WWOX: variants seen among roughly 807,000 people sequenced by gnomAD.
WWOX encodes the protein WW domain-containing oxidoreductase.
WWOX carries 69 observed loss-of-function variants against 46.2 expected under a neutral mutation model. That is an observed-to-expected ratio of 1.49 (90% confidence interval 1.23 to 1.82). The LOEUF is 1.82. Ranked by LOEUF, WWOX falls within the 40% of genes most tolerant of loss-of-function variation. The probability of loss-of-function intolerance (pLI) is 0.00; values close to 1 mark genes in which losing one functional copy is unlikely to be tolerated. For synonymous variants in WWOX, 359 were observed against 202.6 expected (o/e 1.77, Z -6.56); for missense variants, 919 against 542.6 (o/e 1.69, Z -6.89).
chr16:79,201,353 T>A (rs1018522382), intron 8 of WWOX, among the ~76,000 whole-genome samples: 2 of 151,264 alleles, frequency 1.3e-5, no homozygotes, highest in Non-Finnish European at 2.9e-5. Flanking sequence ...CTTTTTTTTT[T>A]TTTTTTTTTA....
intron 8 of WWOX, among the ~76,000 whole-genome samples, chr16:78,827,944 C>A (rs2151153540): frequency 6.6e-6 from 1 of 152,230 alleles, no homozygotes; most frequent in East Asian, 1.9e-4. Context: ...AGTAAGGGGG[C>A]TAAGCTGGTT....
chr16:79,090,402 C>G (rs761420757), intron 8 of WWOX, among the ~76,000 whole-genome samples: 2 of 151,964 alleles, frequency 1.3e-5, no homozygotes, highest in South Asian at 2.1e-4. Context: ...ATTCAGTTAT[C>G]TCACGTTTCT....
chr16:78,416,973 A>G (rs950672617), intron 6 of WWOX, among the ~76,000 whole-genome samples: 2 of 151,934 alleles, frequency 1.3e-5, no homozygotes, highest in African/African-American at 2.4e-5. Flanking sequence ...GGTTCTGTCC[A>G]TTTCAGGGAG....
At chr16:79,121,279 A>G (rs2049625706) in intron 8 of WWOX, among the ~76,000 whole-genome samples, 1 of 152,186 alleles carries the variant, frequency 6.6e-6, no homozygotes, top group Non-Finnish European at 1.5e-5. Flanking sequence ...TGCATTGCTA[A>G]TTACATGAGT....
At chr16:78,527,543 C>G (rs1304064302) in intron 8 of WWOX, among the ~76,000 whole-genome samples, 2 of 152,126 alleles carry the variant, frequency 1.3e-5, no homozygotes, top group East Asian at 1.9e-4. Flanking sequence ...ATGAGACTGC[C>G]TCAGCCAGCC....
At chr16:78,738,018 C>T (rs974335335) in intron 8 of WWOX, among the ~76,000 whole-genome samples, 1 of 152,182 alleles carries the variant, frequency 6.6e-6, no homozygotes, top group Admixed American at 6.5e-5. Context: ...CCTGTCAGAG[C>T]CCGGTGGACT....
intron 8 of WWOX, chr16:78,551,156 T>A (rs1276088067): frequency 6.6e-6 from 1 of 152,128 alleles, no homozygotes; most frequent in South Asian, 2.1e-4. Flanking sequence ...GAAACAAATA[T>A]CATGAATTTA....
intron 6 of WWOX, among the ~76,000 whole-genome samples, chr16:78,388,682 G>A (rs1425538172): frequency 7.3e-6 from 1 of 136,768 alleles, no homozygotes; most frequent in South Asian, 2.5e-4. Context: ...AAAAAAGTTT[G>A]TACTCAGCCT....
intron 8 of WWOX, among the ~76,000 whole-genome samples, chr16:78,592,688 C>T (rs1447747455): frequency 2.0e-5 from 3 of 152,292 alleles, no homozygotes; most frequent in African/African-American, 7.2e-5. Context: ...TTGCATTTCG[C>T]TGCTGCTAAC....
At chr16:78,992,775 C>T (rs915288802) in intron 8 of WWOX, among the ~76,000 whole-genome samples, 1 of 152,140 alleles carries the variant, frequency 6.6e-6, no homozygotes. Context: ...GGAAAGTGTC[C>T]TCTGAGCCCT....
At chr16:78,481,764 T>TGTGTGC (rs149940474) in intron 8 of WWOX, among the ~76,000 whole-genome samples, 4,271 of 147,688 alleles carry the variant, frequency 0.029, 72 homozygotes, top group South Asian at 0.037. Context: ...TGTGTGTGTG[T>TGTGTGC]GCGCGCGCCT....
chr16:78,237,271 A>G (rs1451258256), intron 5 of WWOX: 2 of 152,194 alleles, frequency 1.3e-5, no homozygotes, highest in African/African-American at 2.4e-5. Context: ...CTGCTATACC[A>G]TGATTCCAAT....
At chr16:79,071,257 C>G (rs1218096697) in intron 8 of WWOX, among the ~76,000 whole-genome samples, 1 of 152,162 alleles carries the variant, frequency 6.6e-6, no homozygotes, top group Non-Finnish European at 1.5e-5. Context: ...TTATTACTTG[C>G]TACATACATT....
chr16:78,350,555 C>T (rs1442757522), intron 5 of WWOX, among the ~76,000 whole-genome samples: 1 of 121,032 alleles, frequency 8.3e-6, no homozygotes, highest in African/African-American at 2.8e-5. Flanking sequence ...AAATCAGATA[C>T]TGTGTGGCCC....
chr16:79,102,347 G>T lies in WWOX; in HGVS notation c.1057-109261G>T, dbSNP rs2049218166. 3.3e-5 allele frequency among the ~76,000 whole-genome samples: 5 copies of T among 152,144 alleles called. No homozygotes were observed. In the South Asian group the frequency reaches 1.0e-3, roughly 32 times the overall value. Reference sequence around the variant, plus strand: ...CTCATCTGTTAAATGGGCAAACTGGGAGGGTGTTTATCTGCATGCAACATC... The same window carrying T: ...CTCATCTGTTAAATGGGCAAACTGGTAGGGTGTTTATCTGCATGCAACATC... On this transcript the variant is annotated intron_variant, in intron 8 of 8. Transcript: ENST00000566780.
chr16:78,518,968 G>C (rs2043293806), intron 8 of WWOX, among the ~76,000 whole-genome samples: 2 of 152,214 alleles, frequency 1.3e-5, no homozygotes, highest in African/African-American at 4.8e-5. Context: ...AAAAAAACTT[G>C]CTTGTTTACT....
intron 5 of WWOX, among the ~76,000 whole-genome samples, chr16:78,231,278 A>G (rs1452990659): frequency 6.6e-6 from 1 of 152,214 alleles, no homozygotes; most frequent in Non-Finnish European, 1.5e-5. Flanking sequence ...AGAGTTACTT[A>G]TGAGATGTGG....
intron 8 of WWOX, among the ~76,000 whole-genome samples, chr16:78,763,878 T>C (rs2049858624): frequency 6.6e-6 from 1 of 152,188 alleles, no homozygotes; most frequent in South Asian, 2.1e-4. Flanking sequence ...GGGGAGTCTG[T>C]ATGCAATTGT....
At chr16:78,884,562 A>G (rs566288696) in intron 8 of WWOX, among the ~76,000 whole-genome samples, 1 of 152,294 alleles carries the variant, frequency 6.6e-6, no homozygotes, top group East Asian at 1.9e-4. Context: ...TATCTTACAG[A>G]GATGATGTTG....
Sources: allele counts gnomAD v4.1 joint callset (sites outside exome capture counted in the v4.1 genomes callset), GRCh38; gene constraint gnomAD v4.1.1; transcripts MANE v1.5; gene names NCBI Gene and HGNC (gene_info 2026-07-23, HGNC 2026-07-21).